The following P4HA2 variants were observed in gnomAD, a reference collection of about 807,000 sequenced individuals.
The protein encoded by P4HA2 is prolyl 4-hydroxylase subunit alpha 2, also known as prolyl 4-hydroxylase subunit alpha-2.
In P4HA2, 46 loss-of-function variants were observed where a neutral mutation model predicts 76.9. That is an observed-to-expected ratio of 0.60 (90% CI 0.47 to 0.76). P4HA2 has a LOEUF of 0.76. P4HA2 is among the 30% of genes least tolerant of loss of function. P4HA2 has a pLI of 0.00. For synonymous variants in P4HA2, 243 were observed against 254.0 expected, an observed-to-expected ratio of 0.96 and a Z score of 0.41; for missense variants, 583 against 669.4, an observed-to-expected ratio of 0.87 and a Z score of 1.42.
At chr5:132,199,208 C>T (rs1751145387) in intron 10 of P4HA2, among the ~76,000 whole-genome samples, 1 of 152,228 alleles carries the variant, frequency 6.6e-6, no homozygotes, top group African/African-American at 2.4e-5. Context: ...GGAAAAGCAC[C>T]AGCCCTTCAT....
At chr5:132,200,327 T>C (rs1751308305) in intron 10 of P4HA2, 1 of 152,494 alleles carries the variant, frequency 6.6e-6, no homozygotes, top group Non-Finnish European at 1.5e-5. Context: ...ATAAAAATTT[T>C]AATACAAAGC....
rs1347674748 is a variant in P4HA2 at position 132,193,000 on chromosome 5, G to A, written c.*10C>T. ...TGAAGGACCAGGAAGGGGAAGGACA[G>A]AAAAGGATGTCAGTCAACTTCTGTT... On this transcript the variant is annotated 3_prime_UTR_variant, in exon 15 of 15. Transcript: ENST00000360568. 1 of 1,588,240 alleles carries A rather than the reference G, an allele frequency of 6.3e-7. No individual in the cohort carries two copies. Among genetic ancestry groups the A allele is most frequent in the African/African-American group, 1.3e-5 (1 of 74,536 alleles).
intron 10 of P4HA2, chr5:132,200,238 G>A (rs1371870900): frequency 1.3e-5 from 2 of 152,150 alleles, no homozygotes; most frequent in East Asian, 1.9e-4. Flanking sequence ...GAAAGAAAGG[G>A]ACAGTGGACT....
intron 6 of P4HA2, 107 bp from the exon 7 acceptor site, chr5:132,209,438 C>T (rs539049183): frequency 1.1e-6 from 1 of 887,644 alleles, no homozygotes; most frequent in South Asian, 1.6e-5. Flanking sequence ...CACCTGCATG[C>T]TGCATTCTAC....
chr5:132,198,305 T>A lies in P4HA2; in HGVS notation c.1365+16A>T. On this transcript the variant is annotated intron_variant, in intron 12 of 14. Transcript: ENST00000360568. Reference sequence around the variant, plus strand: ...TTAAGTGAGAATGAACAGGTGGGCCTGGACCCAGTACTTACGTAGTTAAGA... The same window carrying A: ...TTAAGTGAGAATGAACAGGTGGGCCAGGACCCAGTACTTACGTAGTTAAGA... 6.2e-7 allele frequency: 1 copy of A among 1,614,230 alleles called. No individual in the cohort carries two copies. The highest frequency in any genetic ancestry group is 8.5e-7 in the Non-Finnish European group (1 of 1,180,032).
intron 2 of P4HA2, among the ~76,000 whole-genome samples, chr5:132,218,089 G>A (rs1372305167): frequency 6.6e-6 from 1 of 152,214 alleles, no homozygotes; most frequent in Non-Finnish European, 1.5e-5. Context: ...TGCACTGGAT[G>A]TCACTCAAGA....
chr5:132,226,373 C>G (rs997877558), intron 1 of P4HA2, among the ~76,000 whole-genome samples: 8 of 152,192 alleles, frequency 5.3e-5, no homozygotes, highest in African/African-American at 1.9e-4. Flanking sequence ...CCCAGGTAGT[C>G]TATTATCAAG....
chr5:132,216,233 G>A (rs1753876620), intron 4 of P4HA2, among the ~76,000 whole-genome samples: 1 of 149,756 alleles, frequency 6.7e-6, no homozygotes, highest in Non-Finnish European at 1.5e-5. Context: ...AGTTAGGAGA[G>A]CCCACCTCCA....
chr5:132,220,846 C>G (rs1754562680), intron 1 of P4HA2, among the ~76,000 whole-genome samples: 1 of 152,186 alleles, frequency 6.6e-6, no homozygotes, highest in African/African-American at 2.4e-5. Flanking sequence ...GATGACTTAC[C>G]TACCAAGAGC....
rs758124279 is a variant in P4HA2, at chr5:132,208,343, A to G, written c.904-459T>C. 6.1e-4 allele frequency among the ~76,000 whole-genome samples: 72 copies of G among 117,838 alleles called. 1 individual carries two copies. The highest frequency in any genetic ancestry group is 8.8e-4 in the Non-Finnish European group (49 of 55,578). 77.3% of individuals were successfully genotyped at this position (117,838 alleles called of 152,430 possible). On this transcript the variant is annotated intron_variant, in intron 7 of 14. Coordinates refer to ENST00000360568, the MANE Select transcript of P4HA2 (RefSeq NM_001017974.2). ...AGGAAAAAGAGAAGAAAAAGGAAGGAAGAAAGGAAGGGAGGGAGGGAGGGG... is the reference window on the plus strand; with the variant it reads ...AGGAAAAAGAGAAGAAAAAGGAAGGGAGAAAGGAAGGGAGGGAGGGAGGGG...
At chr5:132,222,112 T>A (rs568848394) in intron 1 of P4HA2, 1 of 152,362 alleles carries the variant, frequency 6.6e-6, no homozygotes, top group African/African-American at 2.4e-5. Flanking sequence ...GTTTTAACAA[T>A]GTATTTAACA....
In P4HA2 at chr5:132,190,427, G is replaced by C. The variant is rs1268085976; in HGVS notation, c.*2583C>G. On this transcript the variant is annotated 3_prime_UTR_variant, in exon 15 of 15. Transcript: ENST00000360568. ...ACTAGAGGGAGATTAGACGGCAGTA[G>C]ATAGCAATTGCCCTAGACCCAGTGG... Among the ~76,000 whole-genome samples the C allele has an allele frequency of 6.6e-6, 1 of 152,192 alleles. No homozygotes were observed. The highest frequency in any genetic ancestry group is 1.5e-5 in the Non-Finnish European group (1 of 68,026).
At chr5:132,204,740 C>T (rs1160166139) in intron 8 of P4HA2, among the ~76,000 whole-genome samples, 1 of 152,224 alleles carries the variant, frequency 6.6e-6, no homozygotes, top group East Asian at 1.9e-4. Flanking sequence ...CCTTGGGATC[C>T]TTACAAGTCA....
At chr5:132,209,712 T>C in intron 6 of P4HA2, among the ~76,000 whole-genome samples, 1 of 138,848 alleles carries the variant, frequency 7.2e-6, no homozygotes, top group Non-Finnish European at 1.5e-5. Flanking sequence ...GAGGCGGAGG[T>C]TACAGTGAGC....
chr5:132,225,049 G>GAAAAA (rs371037185), intron 1 of P4HA2, among the ~76,000 whole-genome samples: 12 of 116,622 alleles, frequency 1.0e-4, no homozygotes, highest in African/African-American at 2.6e-4. Flanking sequence ...CTGCTCTGAG[G>GAAAAA]AAAAAAAAAA....
intron 3 of P4HA2, 91 bp downstream of exon 3, chr5:132,217,661 T>G: frequency 1.2e-6 from 1 of 856,062 alleles, no homozygotes. Flanking sequence ...CTCAAAGGTT[T>G]CCTCTTATAG....
chr5:132,216,162 C>CAA lies in P4HA2; in HGVS notation c.331+1033_331+1034dup, dbSNP rs5871448. 4.0e-3 allele frequency among the ~76,000 whole-genome samples: 253 copies of CAA among 63,098 alleles called. 20 individuals carry two copies. Among genetic ancestry groups the CAA allele is most frequent in the African/African-American group, 0.011 (160 of 14,626 alleles). 41.4% of individuals were successfully genotyped at this position (63,098 alleles called of 152,430 possible). A position where few individuals can be genotyped will look rare whatever the true frequency, so the allele number is the denominator to read the frequency against. On this transcript the variant is annotated intron_variant, in intron 4 of 14. Transcript: ENST00000360568. ...CTGGTGACAGAGTGAGACTCAGTCTCAAAAAAAAAAAAAAAAAAAAAAAAA... is the reference window on the plus strand; with the variant it reads ...CTGGTGACAGAGTGAGACTCAGTCTCAAAAAAAAAAAAAAAAAAAAAAAAAAA...
chr5:132,194,925 C>CCCCACTTGCAG lies in P4HA2; in HGVS notation c.1521_1531dup (p.Val511AlafsTer18). The CCCCACTTGCAG allele has an allele frequency of 6.2e-7, 1 of 1,604,856 alleles. No homozygotes were observed. Among genetic ancestry groups the CCCCACTTGCAG allele is most frequent in the Non-Finnish European group, 8.5e-7 (1 of 1,171,450 alleles). ...CCAACACTACCCCTTAAGACACTCA[C>CCCCACTTGCAG]CCCACTTGCAGCCCACAAGCACAGG... On this transcript the variant is annotated frameshift_variant and splice_region_variant. Transcript: ENST00000360568. LOFTEE classifies it high-confidence loss of function.
intron 1 of P4HA2, among the ~76,000 whole-genome samples, chr5:132,223,833 C>A (rs1472210557): frequency 1.3e-5 from 2 of 152,204 alleles, no homozygotes; most frequent in Admixed American, 6.5e-5. Context: ...CATCTGACAG[C>A]AAATCAATGA....
Sources: gnomAD v4.1 joint callset for allele counts (sites outside exome capture counted in the v4.1 genomes callset) on GRCh38, gnomAD v4.1.1 for gene constraint, MANE v1.5 for transcripts, NCBI Gene and HGNC (gene_info 2026-07-23, HGNC 2026-07-21) for gene names.